The following CD2AP variants were observed in gnomAD, a reference collection of about 807,000 sequenced individuals.
CD2AP encodes the protein CD2-associated protein.
In CD2AP, 46 loss-of-function variants were observed where a neutral mutation model predicts 85.1. The observed-to-expected ratio is 0.54, with a 90% CI of 0.43 to 0.69. The LOEUF (loss-of-function observed/expected upper bound fraction) is 0.69, where lower values mean the gene tolerates loss of function less well. Among genes scored for constraint, CD2AP ranks in the 30% least tolerant of loss-of-function variants. CD2AP has a pLI of 0.00. For missense variants in CD2AP, 769 were observed against 729.5 expected, an observed-to-expected ratio of 1.05 and a Z score of -0.62; for synonymous variants, 255 against 252.9, an observed-to-expected ratio of 1.01 and a Z score of -0.08.
chr6:47,507,647 A>G (rs948558049), intron 2 of CD2AP, among the ~76,000 whole-genome samples: 4 of 152,196 alleles, frequency 2.6e-5, no homozygotes, highest in Admixed American at 2.0e-4. Flanking sequence ...GGCTTTCACT[A>G]TGTTGGCCAG....
intron 5 of CD2AP, among the ~76,000 whole-genome samples, chr6:47,567,515 A>T (rs991598282): frequency 6.6e-6 from 1 of 152,158 alleles, no homozygotes; most frequent in Non-Finnish European, 1.5e-5. Flanking sequence ...GAAAGAAAAG[A>T]TGATTTAAAA....
At chr6:47,531,489 T>G (rs1345784934) in intron 2 of CD2AP, among the ~76,000 whole-genome samples, 1 of 151,262 alleles carries the variant, frequency 6.6e-6, no homozygotes, top group Admixed American at 6.6e-5. Context: ...ATTGTTTATT[T>G]AAGGTATGTA....
chr6:47,601,289 T>C (rs1769123963), intron 13 of CD2AP, among the ~76,000 whole-genome samples: 1 of 151,950 alleles, frequency 6.6e-6, no homozygotes, highest in African/African-American at 2.4e-5. Flanking sequence ...AAACATCTTA[T>C]TTCTGATTTG....
intron 8 of CD2AP, among the ~76,000 whole-genome samples, chr6:47,578,657 CTT>C (rs543172205): frequency 1.0e-4 from 15 of 143,444 alleles, no homozygotes; most frequent in Admixed American, 4.2e-4. Context: ...TTCATTATAT[CTT>C]TTTTTTTTTT....
intron 1 of CD2AP, among the ~76,000 whole-genome samples, chr6:47,488,357 A>C (rs1339349542): frequency 6.6e-6 from 1 of 152,156 alleles, no homozygotes; most frequent in Admixed American, 6.5e-5. Flanking sequence ...GTATACATAT[A>C]CTTTGAGACA....
At chr6:47,534,582 G>T (rs557732781) in intron 3 of CD2AP, among the ~76,000 whole-genome samples, 1 of 152,226 alleles carries the variant, frequency 6.6e-6, no homozygotes, top group Admixed American at 6.5e-5. Flanking sequence ...GAACTTGCCT[G>T]TAATTCCAGC....
intron 12 of CD2AP, among the ~76,000 whole-genome samples, chr6:47,596,420 C>A (rs1768949536): frequency 6.6e-6 from 1 of 152,080 alleles, no homozygotes; most frequent in African/African-American, 2.4e-5. Flanking sequence ...CACTCCCCTC[C>A]AACTCACAAC....
intron 17 of CD2AP, among the ~76,000 whole-genome samples, chr6:47,621,010 C>CTTT (rs1284395065): frequency 6.6e-6 from 1 of 152,154 alleles, no homozygotes; most frequent in Non-Finnish European, 1.5e-5. Flanking sequence ...TTGACTTCCT[C>CTTT]TTTATTGATT....
chr6:47,558,836 A>G (rs1767765343), intron 5 of CD2AP, among the ~76,000 whole-genome samples: 1 of 152,224 alleles, frequency 6.6e-6, no homozygotes, highest in African/African-American at 2.4e-5. Flanking sequence ...TGCTGGCATC[A>G]TAAAATGAGT....
intron 13 of CD2AP, among the ~76,000 whole-genome samples, chr6:47,603,953 C>G (rs925169885): frequency 6.6e-6 from 1 of 151,908 alleles, no homozygotes; most frequent in African/African-American, 2.4e-5. Context: ...TTTATTCTAA[C>G]CCTTTTGGTT....
At chr6:47,498,399 A>G (rs927958865) in intron 1 of CD2AP, among the ~76,000 whole-genome samples, 2 of 152,190 alleles carry the variant, frequency 1.3e-5, no homozygotes, top group South Asian at 2.1e-4. Context: ...ATGAAATTGC[A>G]CCGAATATGA....
At chr6:47,585,816 A>G (rs1029908582) in intron 11 of CD2AP, among the ~76,000 whole-genome samples, 3 of 152,338 alleles carry the variant, frequency 2.0e-5, no homozygotes, top group East Asian at 1.9e-4. Context: ...TCATTTTTCC[A>G]TGAGCCAGAG....
At chr6:47,497,716 C>T (rs1765901423) in intron 1 of CD2AP, among the ~76,000 whole-genome samples, 1 of 152,118 alleles carries the variant, frequency 6.6e-6, no homozygotes, top group Non-Finnish European at 1.5e-5. Context: ...TGCACCCGGA[C>T]AATTATATTT....
intron 13 of CD2AP, among the ~76,000 whole-genome samples, chr6:47,603,035 C>G (rs1253207297): frequency 3.3e-5 from 5 of 152,030 alleles, no homozygotes; most frequent in Non-Finnish European, 4.4e-5. Context: ...TTAAAAATTA[C>G]TTTTCCAATA....
intron 11 of CD2AP, among the ~76,000 whole-genome samples, chr6:47,591,860 C>T (rs375163856): frequency 2.7e-4 from 41 of 152,262 alleles, no homozygotes; most frequent in African/African-American, 9.9e-4. Context: ...CAGGGTCTCA[C>T]TCTGTTGCCC....
At chr6:47,548,875 T>G (rs1249946118) in intron 4 of CD2AP, among the ~76,000 whole-genome samples, 1 of 152,094 alleles carries the variant, frequency 6.6e-6, no homozygotes, top group African/African-American at 2.4e-5. Context: ...GGGTTTCATA[T>G]CAGGGATGCA....
rs1215288604 is a variant in CD2AP, at chr6:47,503,342, G to A, written c.67G>A (p.Gly23Arg). 10 of 1,613,400 alleles carry A rather than the reference G, an allele frequency of 6.2e-6. No individual in the cohort carries two copies. Among genetic ancestry groups the A allele is most frequent in the Non-Finnish European group, 7.6e-6 (9 of 1,179,624 alleles). Residue 23 changes from glycine to arginine, a missense_variant, in exon 2 of 18, where the codon GGA becomes AGA. Transcript: ENST00000359314. ...TGATGATGAATTAACTATTCGAGTT[G>A]GAGAAATCATCAGGAATGTGAAAAA... ...VHDDELTIRV[G>R]EIIRNVKKLQ...
intron 5 of CD2AP, among the ~76,000 whole-genome samples, chr6:47,559,511 C>T (rs1767794766): frequency 6.6e-6 from 1 of 151,906 alleles, no homozygotes; most frequent in Non-Finnish European, 1.5e-5. Flanking sequence ...GTTGAAGCCT[C>T]CCAAAGTGCT....
At chr6:47,503,589 A>G (rs932239322) in intron 2 of CD2AP, 149 bp downstream of exon 2, 2 of 710,518 alleles carry the variant, frequency 2.8e-6, no homozygotes, top group Non-Finnish European at 2.4e-6. Context: ...TACCTCTATA[A>G]TGGATATCAT....
Sources: gnomAD v4.1 joint callset for allele counts (sites outside exome capture counted in the v4.1 genomes callset) on GRCh38, gnomAD v4.1.1 for gene constraint, MANE v1.5 for transcripts, NCBI Gene and HGNC (gene_info 2026-07-23, HGNC 2026-07-21) for gene names.